Variants in SCAPER observed in about 807,000 individuals in gnomAD.
The protein encoded by SCAPER is S-phase cyclin A associated protein in the ER, also known as S phase cyclin A-associated protein in the endoplasmic reticulum.
A neutral mutation model predicts 182.2 loss-of-function variants in SCAPER; 98 were observed. That is an observed-to-expected ratio of 0.54 (90% CI 0.46 to 0.64). The LOEUF (loss-of-function observed/expected upper bound fraction) is 0.64. Among genes scored for constraint, SCAPER ranks in the 30% least tolerant of loss-of-function variants. The pLI is 0.00. For missense variants in SCAPER, 1,432 were observed against 1,690.0 expected (o/e 0.85, Z 2.68); for synonymous variants, 605 against 564.6 (o/e 1.07, Z -1.01).
intron 4 of SCAPER, among the ~76,000 whole-genome samples, chr15:76,854,124 C>A (rs1418809478): frequency 2.0e-5 from 3 of 152,018 alleles, no homozygotes; most frequent in African/African-American, 7.3e-5. Context: ...CAAAAATTAG[C>A]TGGGCATGGT....
At chr15:76,379,763 T>C (rs555990669) in intron 28 of SCAPER, 8 of 152,040 alleles carry the variant, frequency 5.3e-5, no homozygotes, top group Non-Finnish European at 1.2e-4. Flanking sequence ...TTAAGCCCTT[T>C]AGGCTTAAAG....
chr15:76,585,176 ATATT>A (rs1017594371), intron 22 of SCAPER, among the ~76,000 whole-genome samples: 6 of 152,268 alleles, frequency 3.9e-5, no homozygotes, highest in Admixed American at 3.9e-4. Flanking sequence ...AGGATAATAT[ATATT>A]TCTTTTCAGA....
At chr15:76,399,632 G>A (rs560934723) in intron 27 of SCAPER, among the ~76,000 whole-genome samples, 1 of 152,308 alleles carries the variant, frequency 6.6e-6, no homozygotes, top group Non-Finnish European at 1.5e-5. Context: ...CAAGTCATCA[G>A]CTATTGCTTT....
At chr15:76,582,562 T>C (rs2048343693) in intron 22 of SCAPER, among the ~76,000 whole-genome samples, 1 of 152,170 alleles carries the variant, frequency 6.6e-6, no homozygotes, top group Non-Finnish European at 1.5e-5. Flanking sequence ...ACTAACGAAA[T>C]AAGTATTTTT....
At chr15:76,541,398 A>T (rs1397135440) in intron 23 of SCAPER, among the ~76,000 whole-genome samples, 2 of 152,162 alleles carry the variant, frequency 1.3e-5, no homozygotes, top group South Asian at 2.1e-4. Flanking sequence ...AACATATTGG[A>T]GACTTGTATG....
intron 5 of SCAPER, among the ~76,000 whole-genome samples, chr15:76,820,499 A>G (rs2151643109): frequency 6.6e-6 from 1 of 151,708 alleles, no homozygotes; most frequent in South Asian, 2.1e-4. Flanking sequence ...ACAAAAAACC[A>G]AACACCACGT....
rs567707375 is a variant in SCAPER at position 76,796,743 on chromosome 15, A to T, written c.612-1303T>A. Reference sequence around the variant, plus strand: ...TCTGAACCACACACCAATGAAGTGCATTACAGGGCAAGTTTCCTTAAAATG... The same window carrying T: ...TCTGAACCACACACCAATGAAGTGCTTTACAGGGCAAGTTTCCTTAAAATG... On this transcript the variant is annotated intron_variant, in intron 7 of 31. Transcript: ENST00000563290. Among the ~76,000 whole-genome samples, 230 of 152,346 alleles carry T rather than the reference A, an allele frequency of 1.5e-3. 1 individual carries two copies. Among genetic ancestry groups the T allele is most frequent in the Non-Finnish European group, 2.5e-3 (171 of 68,038 alleles).
intron 5 of SCAPER, among the ~76,000 whole-genome samples, chr15:76,815,913 A>T (rs1189484426): frequency 6.6e-6 from 1 of 152,230 alleles, no homozygotes; most frequent in Non-Finnish European, 1.5e-5. Context: ...TATACTGAAT[A>T]CTACAGGCCA....
intron 2 of SCAPER, among the ~76,000 whole-genome samples, chr15:76,868,598 T>C (rs961449879): frequency 1.3e-5 from 2 of 151,858 alleles, no homozygotes; most frequent in African/African-American, 4.8e-5. Flanking sequence ...AAGGGAAAGA[T>C]CCAGACAAGG....
chr15:76,701,818 G>T lies in SCAPER; in HGVS notation c.2448C>A (p.His816Gln). 1 of 1,613,762 alleles carries T rather than the reference G, an allele frequency of 6.2e-7. No homozygotes were observed. The highest frequency in any genetic ancestry group is 8.5e-7 in the Non-Finnish European group (1 of 1,179,810). ...YLFSHVKGRK[H>Q]QQAVRENTSI... ...TGGTATTCTCTCTCACGGCTTGCTG[G>T]TGTTTTCTCCCTTTAACATGGCTAA... The change falls in exon 20 of 32, where the codon CAC becomes CAA. Residue 816 changes from histidine to glutamine, a missense_variant. His to Gln is a conservative substitution (Grantham distance 24, BLOSUM62 0). Around this residue, in one of 5 missense-constraint regions of SCAPER, gnomAD observed 718 missense variants for 799.7 expected, o/e 0.90. Transcript: ENST00000563290.
At chr15:76,595,987 A>G (rs1437745820) in intron 22 of SCAPER, among the ~76,000 whole-genome samples, 1 of 121,270 alleles carries the variant, frequency 8.2e-6, no homozygotes, top group Non-Finnish European at 2.0e-5. Flanking sequence ...TACAGACACG[A>G]AAAACCCTTC....
intron 24 of SCAPER, among the ~76,000 whole-genome samples, chr15:76,471,675 A>T (rs568278088): frequency 6.6e-6 from 1 of 152,124 alleles, no homozygotes; most frequent in African/African-American, 2.4e-5. Flanking sequence ...TAATACCCAG[A>T]AAAAAAAGGA....
chr15:76,574,355 T>C (rs911769228), intron 22 of SCAPER, 71 bp from the exon 23 acceptor site: 7 of 1,517,262 alleles, frequency 4.6e-6, no homozygotes, highest in South Asian at 1.2e-5. Flanking sequence ...CCAAAACACT[T>C]TGAAACACAA....
chr15:76,734,884 C>CTA (rs915335314), intron 15 of SCAPER, among the ~76,000 whole-genome samples: 11 of 151,150 alleles, frequency 7.3e-5, no homozygotes, highest in African/African-American at 2.7e-4. Context: ...CTCTCTCTCT[C>CTA]TATATATATA....
intron 17 of SCAPER, among the ~76,000 whole-genome samples, chr15:76,707,550 C>T (rs993643895): frequency 6.6e-6 from 1 of 151,990 alleles, no homozygotes; most frequent in East Asian, 1.9e-4. Flanking sequence ...TGAATCAATA[C>T]CTCAGTAAGG....
intron 23 of SCAPER, among the ~76,000 whole-genome samples, chr15:76,516,965 T>C (rs157786): frequency 0.98 from 148,948 of 152,270 alleles, 72,929 homozygotes; most frequent in South Asian, 1. Flanking sequence ...TAGGATTCAT[T>C]AGCCCCATTA....
chr15:76,629,871 A>G (rs1597802448), intron 21 of SCAPER, among the ~76,000 whole-genome samples: 2 of 152,268 alleles, frequency 1.3e-5, no homozygotes, highest in African/African-American at 4.8e-5. Context: ...GAATTCAGCT[A>G]TAAATCCATC....
intron 29 of SCAPER, among the ~76,000 whole-genome samples, chr15:76,360,232 C>A (rs1362304590): frequency 6.6e-6 from 1 of 152,284 alleles, no homozygotes; most frequent in Admixed American, 6.5e-5. Flanking sequence ...TTTGCCAAAA[C>A]CTCAGTTAAC....
At chr15:76,426,309 C>T (rs534466670) in intron 26 of SCAPER, among the ~76,000 whole-genome samples, 12 of 152,330 alleles carry the variant, frequency 7.9e-5, no homozygotes, top group South Asian at 4.1e-4. Flanking sequence ...TCAGCAATGG[C>T]GGGCACCCCT....
Sources: gnomAD v4.1 joint callset for allele counts (sites outside exome capture counted in the v4.1 genomes callset) on GRCh38, gnomAD v4.1.1 for gene constraint, gnomAD v4.1.1 regional missense constraint, MANE v1.5 for transcripts, NCBI Gene and HGNC (gene_info 2026-07-23, HGNC 2026-07-21) for gene names.